The following LRRC75A variants were observed in gnomAD, a reference collection of about 807,000 sequenced individuals.
LRRC75A encodes leucine-rich repeat-containing protein 75A.
A neutral mutation model predicts 26.0 loss-of-function variants in LRRC75A; 12 were observed. The ratio of observed to expected loss-of-function variants is 0.46; its 90% CI spans 0.30 to 0.75. The LOEUF (loss-of-function observed/expected upper bound fraction) is 0.75. LRRC75A is among the 30% of genes least tolerant of loss of function. The probability of loss-of-function intolerance (pLI) is 0.08; values close to 1 mark genes in which losing one functional copy is unlikely to be tolerated. For synonymous variants in LRRC75A, 223 were observed against 219.3 expected (o/e 1.02, Z -0.15); for missense variants, 410 against 486.6 (o/e 0.84, Z 1.48).
chr17:16,462,416 G>C lies in LRRC75A; in HGVS notation c.247-30C>G. ...AAGAGCAAAGGATGCCCAGAGGTCA[G>C]GGCTGGCTGCCCACCCAGCTCGCCC... On this transcript the variant is annotated intron_variant, in intron 1 of 3. Transcript: ENST00000470794. This position sits in a 1 kb window ranked among gnomAD's most constrained non-coding sequence, Gnocchi z 4.6. 1 of 1,612,650 alleles carries C rather than the reference G, an allele frequency of 6.2e-7. No individual in the cohort carries two copies. Among genetic ancestry groups the C allele is most frequent in the Non-Finnish European group, 8.5e-7 (1 of 1,179,724 alleles).
chr17:16,479,937 C>A (rs2093829773), intron 1 of LRRC75A, among the ~76,000 whole-genome samples: 1 of 152,226 alleles, frequency 6.6e-6, no homozygotes, highest in Admixed American at 6.5e-5. Flanking sequence ...AAGCAGGCTG[C>A]ACAGCAGGAC....
In LRRC75A at chr17:16,453,353, C is replaced by A. The variant is rs560192201; in HGVS notation, c.376-5393G>T. ...GCACACGCACACACGCACACGCACACACACACACACGAGAACAGAGGACAA... is the reference window on the plus strand; with the variant it reads ...GCACACGCACACACGCACACGCACAAACACACACACGAGAACAGAGGACAA... On this transcript the variant is annotated intron_variant, in intron 2 of 3. Coordinates refer to ENST00000470794, the MANE Select transcript of LRRC75A (RefSeq NM_001113567.3). Among the ~76,000 whole-genome samples the A allele has an allele frequency of 5.4e-5, 6 of 111,214 alleles. No individual in the cohort carries two copies. In the East Asian group the frequency reaches 1.0e-3, roughly 19 times the overall value. 73.0% of individuals were successfully genotyped at this position (111,214 alleles called of 152,430 possible).
chr17:16,490,239 C>T (rs1308571889), intron 1 of LRRC75A, among the ~76,000 whole-genome samples: 1 of 152,150 alleles, frequency 6.6e-6, no homozygotes, highest in East Asian at 1.9e-4. Context: ...GGGGAAACAG[C>T]ATGTGATCAG....
intron 1 of LRRC75A, among the ~76,000 whole-genome samples, chr17:16,477,337 G>GCAAGGC (rs1033226433): frequency 5.9e-5 from 9 of 152,320 alleles, no homozygotes; most frequent in East Asian, 3.9e-4. Flanking sequence ...TAGGTCAGAG[G>GCAAGGC]CAAGGCCAAG....
At chr17:16,488,043 C>T (rs983086488) in intron 1 of LRRC75A, among the ~76,000 whole-genome samples, 68 of 152,306 alleles carry the variant, frequency 4.5e-4, no homozygotes, top group African/African-American at 1.5e-3. Context: ...TGACGCAGGC[C>T]GACAGCTCAG....
chr17:16,470,225 CT>C (rs1323369567), intron 1 of LRRC75A: 3 of 152,060 alleles, frequency 2.0e-5, no homozygotes, highest in Non-Finnish European at 4.4e-5. Context: ...CCCCTTCCCT[CT>C]TAAACTCATT....
At chr17:16,445,264 C>T (rs1476751862) in intron 3 of LRRC75A, among the ~76,000 whole-genome samples, 1 of 143,366 alleles carries the variant, frequency 7.0e-6, no homozygotes, top group East Asian at 2.1e-4. Context: ...CTCCTGGGTT[C>T]AAGCGATTCT....
intron 1 of LRRC75A, among the ~76,000 whole-genome samples, chr17:16,489,052 C>T (rs943164136): frequency 2.0e-5 from 3 of 152,144 alleles, no homozygotes; most frequent in African/African-American, 7.2e-5. Flanking sequence ...TTTGTGAACC[C>T]TCCGAAATTG....
intron 2 of LRRC75A, among the ~76,000 whole-genome samples, chr17:16,448,811 C>T (rs923434930): frequency 4.6e-5 from 7 of 152,166 alleles, no homozygotes; most frequent in Admixed American, 2.6e-4. Flanking sequence ...GAGAGAGCCT[C>T]AGAAGGAAAC....
At chr17:16,457,741 G>A (rs1206575784) in intron 2 of LRRC75A, among the ~76,000 whole-genome samples, 1 of 152,052 alleles carries the variant, frequency 6.6e-6, no homozygotes, top group Non-Finnish European at 1.5e-5. Flanking sequence ...CAAGGGAGGG[G>A]GATTGCTTGA....
At chr17:16,469,155 T>C (rs1255599999) in intron 1 of LRRC75A, among the ~76,000 whole-genome samples, 1 of 152,228 alleles carries the variant, frequency 6.6e-6, no homozygotes, top group Non-Finnish European at 1.5e-5. Flanking sequence ...CATGATACAC[T>C]TTCATCCAGG....
At chr17:16,456,222 GAAGAAGAGGAGA>G (rs1403494290) in intron 2 of LRRC75A, among the ~76,000 whole-genome samples, 1 of 108,944 alleles carries the variant, frequency 9.2e-6, no homozygotes, top group Non-Finnish European at 1.9e-5. Context: ...GGAAGAGGAG[GAAGAAGAGGAGA>G]AAGGAGGAGA....
chr17:16,446,279 CAGT>C (rs1481757355), intron 3 of LRRC75A, among the ~76,000 whole-genome samples: 3 of 152,172 alleles, frequency 2.0e-5, no homozygotes, highest in Non-Finnish European at 4.4e-5. Flanking sequence ...ACTAGGGTCA[CAGT>C]GGTGAACAGG....
intron 1 of LRRC75A, among the ~76,000 whole-genome samples, chr17:16,485,789 A>G (rs1044170042): frequency 1.3e-5 from 2 of 152,068 alleles, no homozygotes; most frequent in African/African-American, 4.8e-5. Context: ...GGATCCCCAC[A>G]CTGCGGGGAG....
intron 3 of LRRC75A, among the ~76,000 whole-genome samples, chr17:16,445,372 G>A (rs1440111460): frequency 6.6e-6 from 1 of 151,866 alleles, no homozygotes; most frequent in Non-Finnish European, 1.5e-5. Context: ...TCACTGTGTT[G>A]GCCAGGATGG....
At chr17:16,476,971 C>T (rs2093822239) in intron 1 of LRRC75A, among the ~76,000 whole-genome samples, 2 of 151,664 alleles carry the variant, frequency 1.3e-5, no homozygotes, top group East Asian at 1.9e-4. Context: ...ATCTCCTGAC[C>T]TTGTGATCCG....
intron 2 of LRRC75A, among the ~76,000 whole-genome samples, chr17:16,449,345 G>A (rs535014672): frequency 3.9e-5 from 6 of 152,296 alleles, no homozygotes; most frequent in South Asian, 2.1e-4. Context: ...GCTTTGTCCC[G>A]TTCTGTGTGG....
Position 16,481,746 on chromosome 17 carries a change from C to G in LRRC75A, c.246+9999G>C, listed in dbSNP as rs77011631. Among the ~76,000 whole-genome samples the G allele has an allele frequency of 7.0e-4, 106 of 152,258 alleles. No homozygotes were observed. The East Asian group carries it at 0.016, about 24-fold the overall frequency. ...TGCTTGTCCTCATCCTGCATCTGAGCTACAGGCCCTCCAGACAGTGGGGCA... is the reference window on the plus strand; with the variant it reads ...TGCTTGTCCTCATCCTGCATCTGAGGTACAGGCCCTCCAGACAGTGGGGCA... On this transcript the variant is annotated intron_variant, in intron 1 of 3. Coordinates refer to ENST00000470794, the MANE Select transcript of LRRC75A (RefSeq NM_001113567.3).
intron 1 of LRRC75A, among the ~76,000 whole-genome samples, chr17:16,489,868 A>AC (rs1175545933): frequency 8.9e-6 from 1 of 111,864 alleles, no homozygotes; most frequent in Non-Finnish European, 1.9e-5. Flanking sequence ...GCCCCCTCCC[A>AC]CCCCCCCATC....
Sources: allele counts gnomAD v4.1 joint callset (sites outside exome capture counted in the v4.1 genomes callset), GRCh38; gene constraint gnomAD v4.1.1; non-coding constraint Gnocchi (gnomAD v3.1); transcripts MANE v1.5; gene names NCBI Gene and HGNC (gene_info 2026-07-23, HGNC 2026-07-21).